The following TMEM62 variants were observed in gnomAD, a reference collection of about 807,000 sequenced individuals.
TMEM62 encodes transmembrane protein 62.
A neutral mutation model predicts 70.4 loss-of-function variants in TMEM62; 41 were observed. The observed-to-expected ratio is 0.58, with a 90% confidence interval of 0.45 to 0.76. TMEM62 has a LOEUF of 0.76. Ranked by LOEUF, TMEM62 falls within the 30% of genes least tolerant of loss-of-function variation. The pLI is 0.00. For missense variants in TMEM62, 688 were observed against 788.5 expected (o/e 0.87, Z 1.53); for synonymous variants, 268 against 291.0 (o/e 0.92, Z 0.80).
At chr15:43,153,657 A>G (rs1036036885) in intron 8 of TMEM62, among the ~76,000 whole-genome samples, 2 of 105,430 alleles carry the variant, frequency 1.9e-5, no homozygotes, top group African/African-American at 5.1e-5. Context: ...TCCATTGTAC[A>G]TTGTGTGTGT....
intron 10 of TMEM62, 76 bp from the exon 11 acceptor site, chr15:43,169,514 GTTA>G: frequency 7.8e-7 from 1 of 1,288,840 alleles, no homozygotes. Flanking sequence ...TTCCATTTTT[GTTA>G]ATAAGGCTAC....
At chr15:43,173,452 A>C (rs1311905647) in intron 11 of TMEM62, among the ~76,000 whole-genome samples, 6 of 152,236 alleles carry the variant, frequency 3.9e-5, no homozygotes, top group African/African-American at 1.4e-4. Context: ...AAGGTCAGAC[A>C]TCTCTGCAAG....
chr15:43,172,863 G>A (rs2040344001), intron 11 of TMEM62, among the ~76,000 whole-genome samples: 1 of 152,084 alleles, frequency 6.6e-6, no homozygotes, highest in Admixed American at 6.5e-5. Context: ...CCTTACTACA[G>A]TTTTTACCTT....
At position 43,181,273 on chromosome 15, in the gene TMEM62, A is replaced by G. The variant is rs367787705; in HGVS notation, c.1579A>G (p.Ile527Val). 5 of 1,612,376 alleles carry G rather than the reference A, an allele frequency of 3.1e-6. No homozygotes were observed. The South Asian group carries it at 4.4e-5, about 14-fold the overall frequency. The change falls in exon 13 of 14, where the codon ATA (isoleucine) becomes GTA (valine). Residue 527 changes from isoleucine (I) to valine (V), a missense_variant. By Grantham distance (29) the Ile-to-Val change is conservative (BLOSUM62 3). Coordinates refer to ENST00000260403, the MANE Select transcript of TMEM62 (RefSeq NM_024956.4). Reference sequence around the variant, plus strand: ...TAATGGACATTTCCTACAAGGCAGCATAACATTTATAATTGGAATTCTCCA... The same window carrying G: ...TAATGGACATTTCCTACAAGGCAGCGTAACATTTATAATTGGAATTCTCCA... ...FVNGHFLQGS[I>V]TFIIGILQLA...
rs546631781 is a variant in TMEM62, at chr15:43,178,007, TA to T, written c.1382-591del. ...AAACTTAAAGTATAATAATAAAAAT[TA>T]AAAAAAAAGAACTGTATAATGTATA... On this transcript the variant is annotated intron_variant, in intron 11 of 13. Coordinates refer to ENST00000260403, the MANE Select transcript of TMEM62 (RefSeq NM_024956.4). Among the ~76,000 whole-genome samples the T allele has an allele frequency of 8.2e-4, 124 of 150,826 alleles. 2 individuals are homozygous for T. In the South Asian group the frequency reaches 0.025, roughly 31 times the overall value.
At chr15:43,142,303 C>T (rs537994470) in intron 4 of TMEM62, among the ~76,000 whole-genome samples, 97 of 151,432 alleles carry the variant, frequency 6.4e-4, no homozygotes, top group African/African-American at 2.3e-3. Context: ...GTAGCTGGGA[C>T]TACAGGCGCC....
In TMEM62 at chr15:43,181,294, C is replaced by T; in HGVS notation, c.1600C>T (p.Leu534Phe). The T allele has an allele frequency of 6.3e-7, 1 of 1,599,802 alleles. No homozygotes were observed. Among genetic ancestry groups the T allele is most frequent in the Non-Finnish European group, 8.6e-7 (1 of 1,167,264 alleles). ...QGSITFIIGI[L>F]QLAFFNIPLM... ...CAGCATAACATTTATAATTGGAATT[C>T]TCCAGGTAAGAAGTCAGAAAAGCAA... Residue 534 changes from leucine to phenylalanine, a missense_variant, in exon 13 of 14, where the codon CTC becomes TTC. Leu to Phe is a conservative substitution (Grantham distance 22). Transcript: ENST00000260403.
intron 10 of TMEM62, among the ~76,000 whole-genome samples, chr15:43,161,971 A>AT (rs889048034): frequency 2.5e-4 from 37 of 149,722 alleles, no homozygotes; most frequent in East Asian, 1.6e-3. Context: ...TTGTATATGT[A>AT]TTTTTTTTTG....
chr15:43,148,919 G>GT (rs1158727645), intron 6 of TMEM62, 40 bp downstream of exon 6: 7 of 1,602,670 alleles, frequency 4.4e-6, no homozygotes, highest in African/African-American at 1.3e-5. Flanking sequence ...TTTGTTTTTA[G>GT]TTTTTTTATT....
At chr15:43,137,297 ATG>A (rs2035364068) in intron 3 of TMEM62, among the ~76,000 whole-genome samples, 2 of 152,252 alleles carry the variant, frequency 1.3e-5, no homozygotes, top group Admixed American at 1.3e-4. Flanking sequence ...TTAGAATCAC[ATG>A]ATTAAGACAA....
rs547983370 is a variant in TMEM62, at chr15:43,153,188, T to A, written c.1022+1243T>A. Among the ~76,000 whole-genome samples the A allele has an allele frequency of 4.1e-4, 63 of 152,332 alleles. 1 individual carries two copies. In the South Asian group the frequency reaches 5.4e-3, roughly 13 times the overall value. On this transcript the variant is annotated intron_variant, in intron 8 of 13. Transcript: ENST00000260403. Reference sequence around the variant, plus strand: ...AGGTGAAAGAATTTGAATTCTTTTATGACTGTTGATAAAAATTGCTCAATC... The same window carrying A: ...AGGTGAAAGAATTTGAATTCTTTTAAGACTGTTGATAAAAATTGCTCAATC...
Position 43,133,716 on chromosome 15 carries a change from T to C in TMEM62, c.-87T>C. 2.1e-6 allele frequency: 2 copies of C among 953,006 alleles called. No homozygotes were observed. Among genetic ancestry groups the C allele is most frequent in the Non-Finnish European group, 2.8e-6 (2 of 727,114 alleles). 59.0% of individuals were successfully genotyped at this position (953,006 alleles called of 1,614,324 possible). On this transcript the variant is annotated 5_prime_UTR_variant, in exon 1 of 14. Coordinates refer to ENST00000260403, the MANE Select transcript of TMEM62 (RefSeq NM_024956.4). ...CAGCTCTGGCCCTGCGACAATAGAG[T>C]CCGGAAGTGCAGGCAAAGCGGCTCC...
At chr15:43,163,903 G>A (rs891420000) in intron 10 of TMEM62, among the ~76,000 whole-genome samples, 2 of 152,198 alleles carry the variant, frequency 1.3e-5, no homozygotes, top group African/African-American at 4.8e-5. Flanking sequence ...CTTACTTTGA[G>A]AAACAAGCAC....
At chr15:43,169,840 T>C (rs1206117124) in intron 11 of TMEM62, 163 bp downstream of exon 11, 7 of 577,808 alleles carry the variant, frequency 1.2e-5, no homozygotes, top group Non-Finnish European at 1.8e-5. Context: ...GGCAGTTGGA[T>C]TACAGTTGGG....
At chr15:43,136,996 TCCTA>T (rs1208334752) in intron 3 of TMEM62, among the ~76,000 whole-genome samples, 1 of 152,106 alleles carries the variant, frequency 6.6e-6, no homozygotes, top group African/African-American at 2.4e-5. Context: ...CAAGTGATCC[TCCTA>T]CCTCATTCTC....
chr15:43,162,501 G>A (rs2038868929), intron 10 of TMEM62, among the ~76,000 whole-genome samples: 1 of 150,692 alleles, frequency 6.6e-6, no homozygotes, highest in Non-Finnish European at 1.5e-5. Context: ...GCACGATCCC[G>A]GCTCACTGCA....
At chr15:43,178,016 A>G (rs1042083669) in intron 11 of TMEM62, among the ~76,000 whole-genome samples, 3 of 151,598 alleles carry the variant, frequency 2.0e-5, no homozygotes. Context: ...TTAAAAAAAA[A>G]GAACTGTATA....
Position 43,135,608 on chromosome 15 carries a change from T to G in TMEM62, c.389T>G (p.Val130Gly). ...TYQGILKKTR[V>G]MEKTKWLDIK... is the part of the protein sequence containing the mutation. ...CAGGGTATTCTGAAGAAGACAAGAG[T>G]CATGGAAAAAACCAAGTGGCTGGAT... The change falls in exon 3 of 14, where the codon GTC becomes GGC. Residue 130 changes from valine (V) to glycine (G), a missense_variant. By Grantham distance (109) the Val-to-Gly change is moderately radical. Coordinates refer to ENST00000260403, the MANE Select transcript of TMEM62 (RefSeq NM_024956.4). The G allele has an allele frequency of 1.2e-6, 2 of 1,604,776 alleles. No homozygotes were observed. Among genetic ancestry groups the G allele is most frequent in the Non-Finnish European group, 1.7e-6 (2 of 1,177,674 alleles).
intron 11 of TMEM62, 80 bp downstream of exon 11, chr15:43,169,757 A>T: frequency 5.7e-6 from 7 of 1,233,870 alleles, no homozygotes; most frequent in Non-Finnish European, 8.1e-6. Context: ...AAAGAGGTTT[A>T]TTCTAAGCCA....
Sources: allele counts gnomAD v4.1 joint callset (sites outside exome capture counted in the v4.1 genomes callset), GRCh38; gene constraint gnomAD v4.1.1; transcripts MANE v1.5; gene names NCBI Gene and HGNC (gene_info 2026-07-23, HGNC 2026-07-21).